The following GPN1 variants were observed in gnomAD, a reference collection of about 807,000 sequenced individuals.
The protein encoded by GPN1 is GPN-loop GTPase 1.
In GPN1, 44 loss-of-function variants were observed where a neutral mutation model predicts 55.9. That is an observed-to-expected ratio of 0.79 (90% confidence interval 0.62 to 1.01). GPN1 has a LOEUF of 1.01. Among genes scored for constraint, GPN1 ranks in the 50% least tolerant of loss-of-function variants. The probability of loss-of-function intolerance (pLI) is 0.00; values close to 1 mark genes in which losing one functional copy is unlikely to be tolerated. For synonymous variants in GPN1, 179 were observed against 162.5 expected, an observed-to-expected ratio of 1.10 and a Z score of -0.77; for missense variants, 466 against 462.8, an observed-to-expected ratio of 1.01 and a Z score of -0.06.
At chr2:27,647,242 T>G (rs541426425) in intron 12 of GPN1, among the ~76,000 whole-genome samples, 2 of 152,330 alleles carry the variant, frequency 1.3e-5, no homozygotes, top group East Asian at 3.9e-4. Context: ...CCCATGGCAG[T>G]AGTGACTTGA....
At chr2:27,638,309 T>C (rs142201674) in intron 8 of GPN1, 54 bp downstream of exon 8, 2 of 1,002,982 alleles carry the variant, frequency 2.0e-6, no homozygotes, top group African/African-American at 3.2e-5. Context: ...ACCTTGTGGT[T>C]AGAAGGTTTA....
intron 1 of GPN1, among the ~76,000 whole-genome samples, 155 bp from the exon 2 acceptor site, chr2:27,629,704 G>A (rs1023174545): frequency 6.6e-6 from 1 of 152,204 alleles, no homozygotes; most frequent in Non-Finnish European, 1.5e-5. Context: ...GGTAGCATTT[G>A]AACTGAGAGT....
chr2:27,631,928 G>A (rs758902057), intron 4 of GPN1, 28 bp downstream of exon 4: 4 of 1,278,634 alleles, frequency 3.1e-6, no homozygotes, highest in Admixed American at 3.4e-5. Flanking sequence ...ATATTAATAT[G>A]GTTGTGTAAA....
At chr2:27,628,780 C>T (rs1268021796), upstream of GPN1, 1 of 1,524,942 alleles carries the variant, frequency 6.6e-7, no homozygotes. Flanking sequence ...TGGCCTTCCT[C>T]CGGGAGACAA....
chr2:27,629,286 G>A, intron 1 of GPN1, 117 bp downstream of exon 1: 1 of 1,460,206 alleles, frequency 6.8e-7, no homozygotes. Flanking sequence ...TGGCTTTCGG[G>A]GGCTTCCCAT....
In GPN1 at chr2:27,631,857, G is replaced by T; in HGVS notation, c.269G>T (p.Gly90Val). 1.2e-6 allele frequency: 2 copies of T among 1,602,170 alleles called. No individual in the cohort carries two copies. Among genetic ancestry groups the T allele is most frequent in the Non-Finnish European group, 1.7e-6 (2 of 1,169,118 alleles). The change falls in exon 4 of 14, where the codon GGC (glycine) becomes GTC (valine). Residue 90 changes from glycine (G) to valine (V), a missense_variant. By Grantham distance (109) the Gly-to-Val change is moderately radical. Coordinates refer to ENST00000610189, the MANE Select transcript of GPN1 (RefSeq NM_007266.4). ...AGATATGGACTTGGACCCAATGGCG[G>T]CATAGTGACCTCACTCAATCTCTTT... The part of the protein sequence containing the change: ...MKQYGLGPNG[G>V]IVTSLNLFAT...
intron 12 of GPN1, among the ~76,000 whole-genome samples, chr2:27,644,072 C>T (rs1439803544): frequency 2.0e-5 from 3 of 152,156 alleles, no homozygotes; most frequent in Admixed American, 6.5e-5. Context: ...TCCAGCTACT[C>T]GCTGAGGCTG....
rs761633367 is a variant in GPN1, at chr2:27,631,830, C to G, written c.246-4C>G. Reference sequence around the variant, plus strand: ...GCGATTTCAGTCCTCAACTTGGTGTCTAGATATGGACTTGGACCCAATGGC... The same window carrying G: ...GCGATTTCAGTCCTCAACTTGGTGTGTAGATATGGACTTGGACCCAATGGC... On this transcript the variant is annotated splice_polypyrimidine_tract_variant and splice_region_variant and intron_variant, in intron 3 of 13. Coordinates refer to ENST00000610189, the MANE Select transcript of GPN1 (RefSeq NM_007266.4). 4 of 1,568,834 alleles carry G rather than the reference C, an allele frequency of 2.5e-6. No individual in the cohort carries two copies. Among genetic ancestry groups the G allele is most frequent in the South Asian group, 2.2e-5 (2 of 90,184 alleles).
chr2:27,637,392 A>AG (rs1439751910), intron 7 of GPN1, among the ~76,000 whole-genome samples: 1 of 152,170 alleles, frequency 6.6e-6, no homozygotes, highest in Non-Finnish European at 1.5e-5. Context: ...GGTGCATATG[A>AG]GTAAACCTTG....
intron 12 of GPN1, among the ~76,000 whole-genome samples, chr2:27,642,817 G>A (rs1674012510): frequency 1.3e-5 from 2 of 151,814 alleles, no homozygotes; most frequent in Non-Finnish European, 2.9e-5. Flanking sequence ...CACCCACCTG[G>A]GCCTCCCAAA....
upstream of GPN1, chr2:27,628,804 C>T (rs1322455378): frequency 6.7e-7 from 1 of 1,498,782 alleles, no homozygotes; most frequent in Non-Finnish European, 8.9e-7. Context: ...CCCTCCCAGG[C>T]TGCAGAGATC....
intron 3 of GPN1, chr2:27,631,630 C>T (rs745314094): frequency 8.5e-6 from 5 of 586,526 alleles, no homozygotes; most frequent in African/African-American, 1.9e-5. Context: ...TTTGCCTGAC[C>T]ACTCCTTAAA....
chr2:27,631,909 G>C lies in GPN1; in HGVS notation c.312+9G>C. ...CTACCAGATTTGATCAGGTATATCT[G>C]TCTTTAGTATATTAATATGGTTGTG... On this transcript the variant is annotated intron_variant, in intron 4 of 13. Transcript: ENST00000610189. 1 of 1,462,402 alleles carries C rather than the reference G, an allele frequency of 6.8e-7. No individual in the cohort carries two copies. The highest frequency in any genetic ancestry group is 9.6e-7 in the Non-Finnish European group (1 of 1,041,284). 90.6% of individuals were successfully genotyped at this position (1,462,402 alleles called of 1,614,324 possible).
chr2:27,641,609 G>T (rs949661607), intron 11 of GPN1, among the ~76,000 whole-genome samples: 6 of 152,164 alleles, frequency 3.9e-5, no homozygotes, highest in African/African-American at 1.4e-4. Flanking sequence ...TTTTCTTGTT[G>T]TTGAGAAAGG....
chr2:27,630,889 A>C (rs1472151649), intron 2 of GPN1, 138 bp from the exon 3 acceptor site: 1 of 675,596 alleles, frequency 1.5e-6, no homozygotes. Flanking sequence ...TATTCTTTGT[A>C]AGGAAGGAAA....
intron 13 of GPN1, among the ~76,000 whole-genome samples, chr2:27,648,788 A>T (rs1674365803): frequency 6.6e-6 from 1 of 152,108 alleles, no homozygotes; most frequent in Non-Finnish European, 1.5e-5. Flanking sequence ...GGCACATGCC[A>T]TCACAGCTGG....
intron 6 of GPN1, 83 bp from the exon 7 acceptor site, chr2:27,635,057 C>G: frequency 9.7e-7 from 1 of 1,027,090 alleles, no homozygotes. Context: ...AAGTGGTTTT[C>G]CCTTGTTAAG....
upstream of GPN1, chr2:27,628,968 G>C (rs1451261135): frequency 6.3e-7 from 1 of 1,580,986 alleles, no homozygotes; most frequent in Non-Finnish European, 8.6e-7. Flanking sequence ...TTCTGACGCT[G>C]TGGTGGTTTT....
At chr2:27,631,160 G>A in intron 3 of GPN1, 94 bp downstream of exon 3, 1 of 719,136 alleles carries the variant, frequency 1.4e-6, no homozygotes, top group Admixed American at 2.2e-5. Flanking sequence ...TTTTCCTTGT[G>A]AAATATACAA....
Sources: gnomAD v4.1 joint callset for allele counts (sites outside exome capture counted in the v4.1 genomes callset) on GRCh38, gnomAD v4.1.1 for gene constraint, MANE v1.5 for transcripts, NCBI Gene and HGNC (gene_info 2026-07-23, HGNC 2026-07-21) for gene names.